TATDN2: variants seen among roughly 807,000 people sequenced by gnomAD.
The protein encoded by TATDN2 is 3'-5' RNA nuclease TATDN2.
In TATDN2, 44 loss-of-function variants were observed where a neutral mutation model predicts 60.3. That is an observed-to-expected ratio of 0.73 (90% CI 0.57 to 0.94). TATDN2 has a LOEUF of 0.94. Among genes scored for constraint, TATDN2 ranks in the 40% least tolerant of loss-of-function variants. TATDN2 has a pLI of 0.00. For synonymous variants in TATDN2, 399 were observed against 355.8 expected (o/e 1.12, Z -1.37); for missense variants, 997 against 948.0 (o/e 1.05, Z -0.68).
rs904399370 is a variant in TATDN2 at position 10,248,581 on chromosome 3, G to C, written c.-493G>C. Reference sequence around the variant, plus strand: ...GGCTGTAGGGCTGGGGCAGGCGGCGGGCTGCCCGGCGGGACAGCTGCGGCA... The same window carrying C: ...GGCTGTAGGGCTGGGGCAGGCGGCGCGCTGCCCGGCGGGACAGCTGCGGCA... On this transcript the variant is annotated 5_prime_UTR_variant, in exon 1 of 8. Coordinates refer to ENST00000448281, the MANE Select transcript of TATDN2 (RefSeq NM_014760.4). 2 of 151,938 alleles carry C rather than the reference G, an allele frequency of 1.3e-5. No individual in the cohort carries two copies. Among genetic ancestry groups the C allele is most frequent in the African/African-American group, 2.4e-5 (1 of 41,390 alleles). The allele number at this position is 151,938 out of a possible 1,614,324, so 9.4% of individuals were successfully genotyped here.
chr3:10,250,724 A>T (rs916568960), intron 2 of TATDN2, among the ~76,000 whole-genome samples: 1 of 152,164 alleles, frequency 6.6e-6, no homozygotes, highest in African/African-American at 2.4e-5. Flanking sequence ...TTTTCTTTTT[A>T]AATTCACAAA....
Position 10,278,237 on chromosome 3 carries a change from G to C in TATDN2, c.1962-42G>C. The C allele has an allele frequency of 1.3e-6, 2 of 1,591,420 alleles. No homozygotes were observed. Among genetic ancestry groups the C allele is most frequent in the Non-Finnish European group, 1.7e-6 (2 of 1,164,226 alleles). On this transcript the variant is annotated intron_variant, in intron 5 of 7. Coordinates refer to ENST00000448281, the MANE Select transcript of TATDN2 (RefSeq NM_014760.4). The surrounding 1 kb of genome is among the most constrained non-coding windows in gnomAD (Gnocchi z 4.7). ...GTGGGGGGAGCTGGGGGCTGCTGCA[G>C]AGGGGACTGTGAGCAGCCCTGATGT...
intron 5 of TATDN2, among the ~76,000 whole-genome samples, chr3:10,277,158 T>A (rs1698651618): frequency 6.6e-6 from 1 of 152,188 alleles, no homozygotes; most frequent in Non-Finnish European, 1.5e-5. Context: ...CTTAGGGTAC[T>A]TGAAAGGACA....
Position 10,249,439 on chromosome 3 carries a change from C to A in TATDN2, c.239C>A (p.Ser80Tyr), listed in dbSNP as rs1305665918. The A allele has an allele frequency of 1.2e-6, 2 of 1,612,540 alleles. No homozygotes were observed. Among genetic ancestry groups the A allele is most frequent in the Admixed American group, 1.7e-5 (1 of 59,916 alleles). The change falls in exon 2 of 8, where the codon TCC becomes TAC. Residue 80 changes from serine to tyrosine, a missense_variant. Coordinates refer to ENST00000448281, the MANE Select transcript of TATDN2 (RefSeq NM_014760.4). ...GGCTCATCCCGCCGCAGAAATAACT[C>A]CTCCTCCTCCTTCTCCCCACATTTC... The part of the protein sequence containing the change: ...SWGSSRRRNN[S>Y]SSSFSPHFLG...
intron 2 of TATDN2, 40 bp from the exon 3 acceptor site, chr3:10,260,097 C>T (rs759719129): frequency 7.0e-6 from 11 of 1,570,436 alleles, no homozygotes; most frequent in Non-Finnish European, 9.5e-6. Context: ...ACGAAAGTGC[C>T]CTTGGAACAG....
intron 2 of TATDN2, among the ~76,000 whole-genome samples, chr3:10,258,259 A>G (rs1292725197): frequency 2.0e-5 from 3 of 151,622 alleles, no homozygotes; most frequent in African/African-American, 7.3e-5. Context: ...AGAAGCTTAT[A>G]ATATAAGCAC....
chr3:10,262,551 T>TTTTTTTTG (rs869306126), intron 3 of TATDN2, among the ~76,000 whole-genome samples: 1 of 144,060 alleles, frequency 6.9e-6, no homozygotes, highest in Admixed American at 7.0e-5. Context: ...TTTTTTTTTT[T>TTTTTTTTG]GAGGTGGAGT....
At chr3:10,273,107 G>A (rs1698590097) in intron 4 of TATDN2, among the ~76,000 whole-genome samples, 1 of 152,188 alleles carries the variant, frequency 6.6e-6, no homozygotes, top group Admixed American at 6.5e-5. Flanking sequence ...AACTAGAAGC[G>A]ATAGGCATAG....
In TATDN2 at chr3:10,248,700, C is replaced by T. The variant is rs763184669; in HGVS notation, c.-374C>T. The T allele has an allele frequency of 7.3e-5, 11 of 151,684 alleles. No individual in the cohort carries two copies. The highest frequency in any genetic ancestry group is 2.0e-4 in the Admixed American group (3 of 15,252). 9.4% of individuals were successfully genotyped at this position (151,684 alleles called of 1,614,324 possible). The stretch of plus-strand genomic sequence containing the variant: ...TTCCGGCCCGGGTCTGGTTGGGCCG[C>T]AGGAGCAGGGCGGGCTGCGGCGCCC... On this transcript the variant is annotated 5_prime_UTR_variant, in exon 1 of 8. Transcript: ENST00000448281.
chr3:10,277,709 T>C (rs1698659152), intron 5 of TATDN2, among the ~76,000 whole-genome samples: 1 of 152,168 alleles, frequency 6.6e-6, no homozygotes, highest in Non-Finnish European at 1.5e-5. Flanking sequence ...CATTTTGGGC[T>C]AACTTTGAAG....
At chr3:10,250,389 A>G (rs1698204733) in intron 2 of TATDN2, among the ~76,000 whole-genome samples, 1 of 152,062 alleles carries the variant, frequency 6.6e-6, no homozygotes. Context: ...CTAACAAAAC[A>G]GATCACTTTC....
chr3:10,264,333 G>A (rs1698448812), intron 3 of TATDN2, among the ~76,000 whole-genome samples: 1 of 152,118 alleles, frequency 6.6e-6, no homozygotes, highest in African/African-American at 2.4e-5. Flanking sequence ...GGTGTTATTT[G>A]GCCATCTGCT....
In TATDN2 at chr3:10,270,930, T is replaced by C. The variant is rs975074612; in HGVS notation, c.1748T>C (p.Leu583Ser). 1 of 1,613,828 alleles carries C rather than the reference T, an allele frequency of 6.2e-7. No homozygotes were observed. Among genetic ancestry groups the C allele is most frequent in the Non-Finnish European group, 8.5e-7 (1 of 1,179,940 alleles). The part of the protein sequence containing the change: ...ESQERNLLQA[L>S]RHPKAVAFGE... ...CAAGAAAGAAATCTTTTGCAAGCCT[T>C]AAGGCACCCTAAGGCTGTGGCATTT... is the stretch of plus-strand genomic sequence containing the variant. The change falls in exon 4 of 8, where the codon TTA becomes TCA. Residue 583 changes from leucine to serine, a missense_variant. Coordinates refer to ENST00000448281, the MANE Select transcript of TATDN2 (RefSeq NM_014760.4).
At chr3:10,265,456 T>G (rs555257785) in intron 3 of TATDN2, among the ~76,000 whole-genome samples, 1 of 150,722 alleles carries the variant, frequency 6.6e-6, no homozygotes, top group African/African-American at 2.4e-5. Context: ...CTGAGGCAGG[T>G]GGATCATGAA....
Position 10,270,752 on chromosome 3 carries a change from A to G in TATDN2, c.1570A>G (p.Ser524Gly). The G allele has an allele frequency of 6.2e-7, 1 of 1,614,192 alleles. No homozygotes were observed. Among genetic ancestry groups the G allele is most frequent in the Non-Finnish European group, 8.5e-7 (1 of 1,180,040 alleles). ...TACAAAGTTCAGAAAAATTTACAGC[A>G]GCTCCTTCCCTAAGGAATTTCAGGG... ...TFTKFRKIYS[S>G]SFPKEFQGCI... Residue 524 changes from serine (S) to glycine (G), a missense_variant, in exon 4 of 8, where the codon AGC (serine) becomes GGC (glycine). Physicochemically the swap from Ser to Gly is moderately conservative, Grantham distance 56. Coordinates refer to ENST00000448281, the MANE Select transcript of TATDN2 (RefSeq NM_014760.4).
At chr3:10,276,274 G>T (rs1576017455) in intron 4 of TATDN2, 87 bp from the exon 5 acceptor site, 2 of 1,503,902 alleles carry the variant, frequency 1.3e-6, no homozygotes, top group Non-Finnish European at 1.8e-6. Context: ...GAGACACAGG[G>T]GGTGCCTGCT....
chr3:10,270,818 T>C lies in TATDN2; in HGVS notation c.1636T>C (p.Cys546Arg). 6.2e-7 allele frequency: 1 copy of C among 1,614,192 alleles called. No individual in the cohort carries two copies. Among genetic ancestry groups the C allele is most frequent in the Non-Finnish European group, 8.5e-7 (1 of 1,180,030 alleles). ...CTGTGATCCCCGCACCCTGACAGAT[T>C]GCCTATGGGAGGAGCTGTTGAAAGA... The part of the protein sequence containing the change: ...DFCDPRTLTD[C>R]LWEELLKEDL... Residue 546 changes from cysteine to arginine, a missense_variant, in exon 4 of 8, where the codon TGC (cysteine) becomes CGC (arginine). Coordinates refer to ENST00000448281, the MANE Select transcript of TATDN2 (RefSeq NM_014760.4).
chr3:10,256,456 A>C (rs1406160203), intron 2 of TATDN2, among the ~76,000 whole-genome samples: 1 of 149,694 alleles, frequency 6.7e-6, no homozygotes, highest in Non-Finnish European at 1.5e-5. Context: ...AATTGCAGGC[A>C]TGAGCCACCA....
chr3:10,267,075 G>A (rs1046048399), intron 3 of TATDN2, among the ~76,000 whole-genome samples: 11 of 151,764 alleles, frequency 7.2e-5, no homozygotes, highest in African/African-American at 2.4e-4. Flanking sequence ...GTGCACAACC[G>A]CATTTGGCTA....
Sources: allele counts gnomAD v4.1 joint callset (sites outside exome capture counted in the v4.1 genomes callset), GRCh38; gene constraint gnomAD v4.1.1; non-coding constraint Gnocchi (gnomAD v3.1); transcripts MANE v1.5; gene names NCBI Gene and HGNC (gene_info 2026-07-23, HGNC 2026-07-21).